LRMDA: variants seen among roughly 807,000 people sequenced by gnomAD.
LRMDA encodes leucine-rich melanocyte differentiation-associated protein.
In LRMDA, 18 loss-of-function variants were observed where a neutral mutation model predicts 29.8. That is an observed-to-expected ratio of 0.60 (90% confidence interval 0.42 to 0.90). The LOEUF is 0.90. LRMDA is among the 40% of genes least tolerant of loss of function. LRMDA has a pLI of 0.00. For missense variants in LRMDA, 273 were observed against 273.9 expected (o/e 1.00, Z 0.02); for synonymous variants, 125 against 109.4 (o/e 1.14, Z -0.89).
chr10:75,448,054 A>ACTGG (rs2132028936), intron 2 of LRMDA, among the ~76,000 whole-genome samples: 1 of 152,264 alleles, frequency 6.6e-6, no homozygotes, highest in South Asian at 2.1e-4. Flanking sequence ...CCACGGTAAG[A>ACTGG]CTGGCCCAGG....
intron 5 of LRMDA, among the ~76,000 whole-genome samples, chr10:76,298,462 C>T (rs1204982984): frequency 1.3e-5 from 2 of 152,154 alleles, no homozygotes; most frequent in African/African-American, 4.8e-5. Context: ...GTGCAAAGGG[C>T]CTTCTGTGTC....
intron 2 of LRMDA, among the ~76,000 whole-genome samples, chr10:75,683,292 G>T (rs567867972): frequency 6.6e-6 from 1 of 152,298 alleles, no homozygotes; most frequent in East Asian, 1.9e-4. Flanking sequence ...AGAGCACAAA[G>T]GGAAACATGT....
rs1441941090 is a variant in LRMDA at position 76,104,007 on chromosome 10, C to T, written c.516+45224C>T. Among the ~76,000 whole-genome samples the T allele has an allele frequency of 1.1e-4, 16 of 151,500 alleles. No individual in the cohort carries two copies. In the East Asian group the frequency reaches 2.9e-3, roughly 28 times the overall value. The stretch of plus-strand genomic sequence containing the variant: ...AGGTTGCAGTGAATGGAGATCATGC[C>T]ACTGCACTCCAGCCTGGGTGACAGA... On this transcript the variant is annotated intron_variant, in intron 5 of 6. Coordinates refer to ENST00000611255, the MANE Select transcript of LRMDA (RefSeq NM_001305581.2).
rs548050952 is a variant in LRMDA, at chr10:75,801,452, C to G, written c.132-234556C>G. Among the ~76,000 whole-genome samples the G allele has an allele frequency of 5.8e-4, 88 of 152,364 alleles. 1 individual carries two copies. In the South Asian group the frequency reaches 0.017, roughly 29 times the overall value. ...AGATATCACCCAATATGGTTCTCTT[C>G]TTTCAAGGCCATTGGATTGTCTTCT... On this transcript the variant is annotated intron_variant, in intron 2 of 6. Coordinates refer to ENST00000611255, the MANE Select transcript of LRMDA (RefSeq NM_001305581.2).
At chr10:75,757,598 G>A (rs528426815) in intron 2 of LRMDA, among the ~76,000 whole-genome samples, 4 of 152,042 alleles carry the variant, frequency 2.6e-5, no homozygotes, top group East Asian at 1.9e-4. Flanking sequence ...CCACTTTTCC[G>A]TCTTTTAAAA....
intron 2 of LRMDA, among the ~76,000 whole-genome samples, chr10:75,560,248 C>T (rs1384098882): frequency 1.3e-4 from 20 of 152,086 alleles, no homozygotes; most frequent in African/African-American, 3.6e-4. Context: ...AGGTCTTTCA[C>T]GTCCCTTGTA....
intron 2 of LRMDA, among the ~76,000 whole-genome samples, chr10:75,552,735 A>G (rs542872721): frequency 4.0e-5 from 6 of 151,234 alleles, no homozygotes; most frequent in Admixed American, 3.3e-4. Flanking sequence ...CTATTATCCT[A>G]TAGCTCTCAT....
intron 6 of LRMDA, among the ~76,000 whole-genome samples, chr10:76,363,489 T>G (rs1019522732): frequency 2.0e-5 from 3 of 152,096 alleles, no homozygotes; most frequent in Non-Finnish European, 4.4e-5. Flanking sequence ...AAGATTAATA[T>G]GCAAGTCAAT....
chr10:75,759,405 T>G (rs1295857422), intron 2 of LRMDA, among the ~76,000 whole-genome samples: 2 of 152,230 alleles, frequency 1.3e-5, no homozygotes, highest in African/African-American at 2.4e-5. Flanking sequence ...TTTCTTTGCT[T>G]CTGTTTCTCT....
chr10:75,630,433 A>T (rs776664912), intron 2 of LRMDA, among the ~76,000 whole-genome samples: 5 of 152,242 alleles, frequency 3.3e-5, no homozygotes, highest in Non-Finnish European at 7.3e-5. Context: ...CAAGCAAGCA[A>T]GCATAATATA....
intron 2 of LRMDA, among the ~76,000 whole-genome samples, chr10:75,821,145 T>C (rs1453444424): frequency 6.6e-6 from 1 of 152,124 alleles, no homozygotes; most frequent in Non-Finnish European, 1.5e-5. Flanking sequence ...GAGGAGGGAA[T>C]CCTTCCTTAC....
chr10:76,254,756 A>G (rs1852559927), intron 5 of LRMDA, among the ~76,000 whole-genome samples: 1 of 151,984 alleles, frequency 6.6e-6, no homozygotes, highest in African/African-American at 2.4e-5. Context: ...CTTTTCAGCA[A>G]GGTGTTCTCT....
At chr10:75,852,696 C>A (rs1208833540) in intron 2 of LRMDA, among the ~76,000 whole-genome samples, 1 of 152,108 alleles carries the variant, frequency 6.6e-6, no homozygotes, top group East Asian at 1.9e-4. Context: ...TTGCTGGCCT[C>A]TGTAGAGAGA....
intron 2 of LRMDA, among the ~76,000 whole-genome samples, chr10:75,944,428 C>T (rs1181552373): frequency 4.0e-5 from 6 of 151,880 alleles, no homozygotes; most frequent in Middle Eastern, 3.4e-3. Flanking sequence ...CTTCTATCTG[C>T]GTGTTTAAGC....
chr10:76,054,993 G>A (rs1311697235), intron 4 of LRMDA, among the ~76,000 whole-genome samples: 1 of 144,630 alleles, frequency 6.9e-6, no homozygotes, highest in Non-Finnish European at 1.5e-5. Context: ...GAACCTGGGA[G>A]GCAGAGGTTG....
chr10:75,821,718 G>A (rs535191785), intron 2 of LRMDA, among the ~76,000 whole-genome samples: 6 of 152,058 alleles, frequency 3.9e-5, no homozygotes, highest in South Asian at 2.1e-4. Context: ...GCAGTGAGCC[G>A]AGATCACGCC....
chr10:75,592,489 G>A (rs755592581), intron 2 of LRMDA, among the ~76,000 whole-genome samples: 1 of 152,196 alleles, frequency 6.6e-6, no homozygotes, highest in Non-Finnish European at 1.5e-5. Context: ...GATCTGGGAC[G>A]GCAAGGCTAT....
chr10:76,440,767 T>C (rs936859912), intron 6 of LRMDA, among the ~76,000 whole-genome samples: 1 of 152,152 alleles, frequency 6.6e-6, no homozygotes, highest in African/African-American at 2.4e-5. Context: ...TCCCGTAGTC[T>C]CATAATGGGA....
chr10:76,502,039 T>C (rs1169347620), intron 6 of LRMDA, among the ~76,000 whole-genome samples: 1 of 151,824 alleles, frequency 6.6e-6, no homozygotes, highest in Non-Finnish European at 1.5e-5. Flanking sequence ...TTTTTACATG[T>C]GGTGAAGGGT....
Sources: gnomAD v4.1 joint callset for allele counts (sites outside exome capture counted in the v4.1 genomes callset) on GRCh38, gnomAD v4.1.1 for gene constraint, MANE v1.5 for transcripts, NCBI Gene and HGNC (gene_info 2026-07-23, HGNC 2026-07-21) for gene names.